Variants in SPARCL1 observed in about 807,000 individuals in gnomAD.
SPARCL1 encodes SPARC like 1.
SPARCL1 carries 52 observed loss-of-function variants against 67.1 expected under a neutral mutation model. The observed-to-expected ratio is 0.78, with a 90% confidence interval of 0.62 to 0.98. The LOEUF is 0.98. Ranked by LOEUF, SPARCL1 falls within the 50% of genes least tolerant of loss-of-function variation. The probability of loss-of-function intolerance (pLI) is 0.00; values close to 1 mark genes in which losing one functional copy is unlikely to be tolerated. For synonymous variants in SPARCL1, 226 were observed against 267.8 expected (o/e 0.84, Z 1.52); for missense variants, 717 against 782.4 (o/e 0.92, Z 1.00).
At chr4:87,514,908 C>G (rs1725519157) in intron 1 of SPARCL1, among the ~76,000 whole-genome samples, 1 of 152,150 alleles carries the variant, frequency 6.6e-6, no homozygotes, top group Non-Finnish European at 1.5e-5. Flanking sequence ...CCATGATGTC[C>G]TTGCTAAGTA....
At chr4:87,487,365 T>G (rs1724118515) in intron 7 of SPARCL1, among the ~76,000 whole-genome samples, 1 of 152,228 alleles carries the variant, frequency 6.6e-6, no homozygotes, top group African/African-American at 2.4e-5. Flanking sequence ...TTAGTTTGAC[T>G]GGTTATGAAA....
At chr4:87,521,944 T>C (rs1410831630) in intron 1 of SPARCL1, among the ~76,000 whole-genome samples, 2 of 152,206 alleles carry the variant, frequency 1.3e-5, no homozygotes, top group East Asian at 1.9e-4. Context: ...AAACAATTAT[T>C]ATAGGTACTT....
chr4:87,503,069 C>T (rs896231915), intron 1 of SPARCL1, among the ~76,000 whole-genome samples: 1 of 152,210 alleles, frequency 6.6e-6, no homozygotes, highest in African/African-American at 2.4e-5. Context: ...TTCTGTATGG[C>T]TCCACCTCCC....
chr4:87,490,065 T>C (rs532090224), intron 7 of SPARCL1, among the ~76,000 whole-genome samples: 3 of 152,276 alleles, frequency 2.0e-5, no homozygotes, highest in African/African-American at 7.2e-5. Flanking sequence ...AAAAAAACAA[T>C]GTCAGGATTC....
rs551711175 is a variant in SPARCL1 at position 87,474,109 on chromosome 4, A to C, written c.1967-306T>G. 5.9e-5 allele frequency among the ~76,000 whole-genome samples: 9 copies of C among 152,318 alleles called. No individual in the cohort carries two copies. In the South Asian group the frequency reaches 1.2e-3, roughly 21 times the overall value. Reference sequence around the variant, plus strand: ...GATAGAGGAAGAGCAGGTTAACGGGAGGTCCAGCCAAGAAGTGCCCAGTAT... The same window carrying C: ...GATAGAGGAAGAGCAGGTTAACGGGCGGTCCAGCCAAGAAGTGCCCAGTAT... On this transcript the variant is annotated intron_variant, in intron 10 of 10. Transcript: ENST00000282470.
rs191008165 is a variant in SPARCL1 at position 87,492,480 on chromosome 4, C to T, written c.1219-790G>A. 5.3e-5 allele frequency among the ~76,000 whole-genome samples: 8 copies of T among 151,808 alleles called. No individual in the cohort carries two copies. In the East Asian group the frequency reaches 1.5e-3, roughly 29 times the overall value. On this transcript the variant is annotated intron_variant, in intron 4 of 10. Coordinates refer to ENST00000282470, the MANE Select transcript of SPARCL1 (RefSeq NM_004684.6). The stretch of plus-strand genomic sequence containing the variant: ...TCACAACTGTGGAGGTAGACAGTAA[C>T]CCTTGGAGAACAGGACCCATTTCTA...
intron 2 of SPARCL1, among the ~76,000 whole-genome samples, chr4:87,498,534 G>T (rs1474264631): frequency 2.6e-5 from 4 of 152,164 alleles, no homozygotes; most frequent in Admixed American, 6.5e-5. Flanking sequence ...CATCTCCAGT[G>T]GTCATTCATG....
chr4:87,481,384 TCA>T (rs1723817227), intron 8 of SPARCL1, among the ~76,000 whole-genome samples: 1 of 152,202 alleles, frequency 6.6e-6, no homozygotes, highest in East Asian at 1.9e-4. Context: ...ACTCTTGTAC[TCA>T]CTTTCCACTC....
At chr4:87,509,824 T>A (rs1453612067) in intron 1 of SPARCL1, among the ~76,000 whole-genome samples, 1 of 152,184 alleles carries the variant, frequency 6.6e-6, no homozygotes, top group African/African-American at 2.4e-5. Flanking sequence ...CACACATGTG[T>A]GGACAGGGGT....
At chr4:87,497,959 A>G (rs978508278) in intron 2 of SPARCL1, among the ~76,000 whole-genome samples, 1 of 151,982 alleles carries the variant, frequency 6.6e-6, no homozygotes. Context: ...TGGCCTCACT[A>G]TGTTACCCAG....
chr4:87,502,943 T>C (rs980405649), intron 1 of SPARCL1, among the ~76,000 whole-genome samples: 2 of 152,216 alleles, frequency 1.3e-5, no homozygotes, highest in African/African-American at 4.8e-5. Context: ...GAGGAGAAAT[T>C]CATACCTCTT....
chr4:87,488,923 G>A (rs1174733737), intron 7 of SPARCL1, among the ~76,000 whole-genome samples: 2 of 137,186 alleles, frequency 1.5e-5, no homozygotes, highest in Admixed American at 1.3e-4. Context: ...CTCAGTAATG[G>A]TGGATGCCCC....
chr4:87,480,531 G>A lies in SPARCL1; in HGVS notation c.1669-11C>T. On this transcript the variant is annotated splice_polypyrimidine_tract_variant and intron_variant, in intron 8 of 10. Coordinates refer to ENST00000282470, the MANE Select transcript of SPARCL1 (RefSeq NM_004684.6). Reference sequence around the variant, plus strand: ...GTAAATTTTCTTGACCTGGGATTAGGAAGGCAGAAGACTGTCAGAGAATCA... The same window carrying A: ...GTAAATTTTCTTGACCTGGGATTAGAAAGGCAGAAGACTGTCAGAGAATCA... 1 of 1,602,334 alleles carries A rather than the reference G, an allele frequency of 6.2e-7. No individual in the cohort carries two copies. Among genetic ancestry groups the A allele is most frequent in the Non-Finnish European group, 8.5e-7 (1 of 1,175,554 alleles).
chr4:87,508,216 C>CTT lies in SPARCL1; in HGVS notation c.-11-8633_-11-8632dup, dbSNP rs140005521. On this transcript the variant is annotated intron_variant, in intron 1 of 10. Coordinates refer to ENST00000282470, the MANE Select transcript of SPARCL1 (RefSeq NM_004684.6). ...CATCTGTTCAGATTCTTTTTGGCCT[C>CTT]TTTTTTTTTTCCTTTGAGGTGGGTC... Among the ~76,000 whole-genome samples, 98 of 149,848 alleles carry CTT rather than the reference C, an allele frequency of 6.5e-4. No individual in the cohort carries two copies. The East Asian group carries it at 0.014, about 22-fold the overall frequency.
chr4:87,511,889 A>G (rs78580565), intron 1 of SPARCL1, among the ~76,000 whole-genome samples: 8,354 of 151,780 alleles, frequency 0.055, 745 homozygotes, highest in African/African-American at 0.19. Flanking sequence ...TAAAGGGAAT[A>G]TGCAGTTACA....
At chr4:87,488,652 C>G (rs1380796263) in intron 7 of SPARCL1, among the ~76,000 whole-genome samples, 1 of 152,216 alleles carries the variant, frequency 6.6e-6, no homozygotes, top group Non-Finnish European at 1.5e-5. Context: ...CTCTTCAGAG[C>G]TGGCAGGCAG....
At chr4:87,525,815 C>G (rs1312599086) in intron 1 of SPARCL1, among the ~76,000 whole-genome samples, 3 of 152,090 alleles carry the variant, frequency 2.0e-5, no homozygotes, top group African/African-American at 7.2e-5. Flanking sequence ...GGTCATGAAG[C>G]AGGAGTCTCT....
At chr4:87,484,257 G>A (rs779922713) in intron 7 of SPARCL1, among the ~76,000 whole-genome samples, 8 of 152,146 alleles carry the variant, frequency 5.3e-5, no homozygotes, top group Non-Finnish European at 1.2e-4. Flanking sequence ...GTTAATTTTT[G>A]TATGAAGTGT....
At chr4:87,503,463 T>A (rs1388109163) in intron 1 of SPARCL1, among the ~76,000 whole-genome samples, 2 of 152,208 alleles carry the variant, frequency 1.3e-5, no homozygotes, top group Non-Finnish European at 2.9e-5. Context: ...GAGTCTATAT[T>A]ATTACTATTC....
Sources: gnomAD v4.1 joint callset for allele counts (sites outside exome capture counted in the v4.1 genomes callset) on GRCh38, gnomAD v4.1.1 for gene constraint, MANE v1.5 for transcripts, NCBI Gene and HGNC (gene_info 2026-07-23, HGNC 2026-07-21) for gene names.